Variants in KCNIP4 observed in about 807,000 individuals in gnomAD.
KCNIP4 encodes potassium voltage-gated channel interacting protein 4, also known as Kv channel-interacting protein 4.
In KCNIP4, 12 loss-of-function variants were observed where a neutral mutation model predicts 34.0. That is an observed-to-expected ratio of 0.35 (90% confidence interval 0.23 to 0.57). The LOEUF is 0.57. Among genes scored for constraint, KCNIP4 ranks in the 20% least tolerant of loss-of-function variants. The pLI is 0.83. For missense variants in KCNIP4, 238 were observed against 311.7 expected (o/e 0.76, Z 1.78); for synonymous variants, 124 against 102.2 (o/e 1.21, Z -1.29).
chr4:21,147,292 C>G (rs1752430859), intron 1 of KCNIP4, among the ~76,000 whole-genome samples: 1 of 152,160 alleles, frequency 6.6e-6, no homozygotes, highest in Non-Finnish European at 1.5e-5. Flanking sequence ...TTCACTCCTT[C>G]AGTTCTCGGG....
intron 1 of KCNIP4, among the ~76,000 whole-genome samples, chr4:21,152,846 G>T (rs1752857120): frequency 1.3e-5 from 2 of 152,126 alleles, no homozygotes; most frequent in Non-Finnish European, 2.9e-5. Flanking sequence ...GATCTATGTT[G>T]GGTATTCCCT....
chr4:21,158,258 A>G (rs1388672613), intron 1 of KCNIP4, among the ~76,000 whole-genome samples: 2 of 152,132 alleles, frequency 1.3e-5, no homozygotes, highest in African/African-American at 4.8e-5. Flanking sequence ...TTCAAAGCAA[A>G]TTCTTCCTGA....
chr4:21,917,395 A>C (rs1197993319), intron 1 of KCNIP4, among the ~76,000 whole-genome samples: 1 of 152,208 alleles, frequency 6.6e-6, no homozygotes, highest in East Asian at 1.9e-4. Flanking sequence ...TTGGCCTCCC[A>C]AAGTGCTTGG....
At chr4:20,735,957 A>G (rs1749533753) in intron 5 of KCNIP4, among the ~76,000 whole-genome samples, 1 of 152,326 alleles carries the variant, frequency 6.6e-6, no homozygotes, top group Non-Finnish European at 1.5e-5. Flanking sequence ...GTGAATTTGC[A>G]TTATATCTCC....
chr4:21,435,048 T>C (rs1726828847), intron 1 of KCNIP4, among the ~76,000 whole-genome samples: 1 of 152,164 alleles, frequency 6.6e-6, no homozygotes, highest in Non-Finnish European at 1.5e-5. Context: ...TCAAAACATA[T>C]GCACTGAAAT....
At chr4:21,647,848 T>C (rs1389749809) in intron 1 of KCNIP4, among the ~76,000 whole-genome samples, 1 of 147,728 alleles carries the variant, frequency 6.8e-6, no homozygotes, top group Non-Finnish European at 1.5e-5. Context: ...TGGAAGACAT[T>C]CTGCTACAAT....
At chr4:21,724,839 C>G (rs1413218232) in intron 1 of KCNIP4, among the ~76,000 whole-genome samples, 1 of 152,004 alleles carries the variant, frequency 6.6e-6, no homozygotes, top group African/African-American at 2.4e-5. Context: ...TTAAGAGACC[C>G]AAGGAGTGTG....
At chr4:21,126,269 G>A (rs1211362282) in intron 1 of KCNIP4, among the ~76,000 whole-genome samples, 1 of 152,104 alleles carries the variant, frequency 6.6e-6, no homozygotes, top group African/African-American at 2.4e-5. Flanking sequence ...AGACCATTAC[G>A]GCCATCTGGT....
intron 1 of KCNIP4, among the ~76,000 whole-genome samples, chr4:21,629,581 G>A (rs920355550): frequency 6.6e-6 from 1 of 152,222 alleles, no homozygotes; most frequent in East Asian, 1.9e-4. Flanking sequence ...ATGCTACAGT[G>A]TCCCTTTATG....
At chr4:21,095,390 G>A (rs1033684419) in intron 1 of KCNIP4, among the ~76,000 whole-genome samples, 8 of 152,190 alleles carry the variant, frequency 5.3e-5, no homozygotes, top group South Asian at 2.1e-4. Flanking sequence ...TTCATAAAAC[G>A]TTGGAAATTT....
At chr4:20,792,769 T>A (rs1281923105) in intron 3 of KCNIP4, among the ~76,000 whole-genome samples, 4 of 152,110 alleles carry the variant, frequency 2.6e-5, no homozygotes, top group African/African-American at 9.7e-5. Context: ...AAGCAAAATA[T>A]GATAAAATTA....
At chr4:21,251,540 AT>A (rs1272287737) in intron 1 of KCNIP4, among the ~76,000 whole-genome samples, 1 of 152,178 alleles carries the variant, frequency 6.6e-6, no homozygotes, top group Non-Finnish European at 1.5e-5. Flanking sequence ...GTAAAAAAGT[AT>A]TCATTTCATA....
intron 2 of KCNIP4, among the ~76,000 whole-genome samples, chr4:20,854,329 T>C (rs1004091978): frequency 6.6e-6 from 1 of 152,168 alleles, no homozygotes; most frequent in Non-Finnish European, 1.5e-5. Flanking sequence ...AAAGAATTAA[T>C]GGCATTTGGA....
chr4:21,874,122 A>G (rs963561860), intron 1 of KCNIP4, among the ~76,000 whole-genome samples: 5 of 152,214 alleles, frequency 3.3e-5, no homozygotes, highest in African/African-American at 1.2e-4. Context: ...GCACTTAACC[A>G]TATCATTGGG....
At chr4:21,205,684 A>G (rs1408493484) in intron 1 of KCNIP4, among the ~76,000 whole-genome samples, 1 of 152,204 alleles carries the variant, frequency 6.6e-6, no homozygotes, top group Non-Finnish European at 1.5e-5. Flanking sequence ...ATGCAGTCTT[A>G]TCTCCATTTT....
chr4:21,581,315 C>A (rs986353774), intron 1 of KCNIP4, among the ~76,000 whole-genome samples: 1 of 151,890 alleles, frequency 6.6e-6, no homozygotes, highest in Non-Finnish European at 1.5e-5. Flanking sequence ...AGGAAAATTC[C>A]ATGGCCTCTT....
chr4:21,717,673 C>T (rs9884923), intron 1 of KCNIP4, among the ~76,000 whole-genome samples: 77,306 of 151,924 alleles, frequency 0.51, 21,950 homozygotes, highest in East Asian at 0.77. Flanking sequence ...TTTTTCTTTA[C>T]TGGGTTGAAC....
intron 1 of KCNIP4, among the ~76,000 whole-genome samples, chr4:21,323,144 G>GTATATATATATATATATATATA (rs747961833): frequency 2.7e-4 from 21 of 77,894 alleles, no homozygotes; most frequent in African/African-American, 1.1e-3. Flanking sequence ...TCTTTTGTAA[G>GTATATATATATATATATATATA]TATATATATA....
At chr4:20,966,866 C>T (rs993004493) in intron 1 of KCNIP4, among the ~76,000 whole-genome samples, 1 of 152,084 alleles carries the variant, frequency 6.6e-6, no homozygotes, top group African/African-American at 2.4e-5. Flanking sequence ...AGGTATGTGG[C>T]TTGTCTCAAA....
Sources: gnomAD v4.1 joint callset for allele counts (sites outside exome capture counted in the v4.1 genomes callset) on GRCh38, gnomAD v4.1.1 for gene constraint, MANE v1.5 for transcripts, NCBI Gene and HGNC (gene_info 2026-07-23, HGNC 2026-07-21) for gene names.